The following LRRC71 variants were observed in gnomAD, a reference collection of about 807,000 sequenced individuals.
LRRC71 encodes leucine-rich repeat-containing protein 71.
LRRC71 carries 54 observed loss-of-function variants against 66.6 expected under a neutral mutation model. That is an observed-to-expected ratio of 0.81 (90% CI 0.65 to 1.02). The LOEUF is 1.02. Ranked by LOEUF, LRRC71 falls within the 50% of genes least tolerant of loss-of-function variation. LRRC71 has a pLI of 0.00. For missense variants in LRRC71, 724 were observed against 718.0 expected, an observed-to-expected ratio of 1.01 and a Z score of -0.10; for synonymous variants, 323 against 303.9, an observed-to-expected ratio of 1.06 and a Z score of -0.65.
chr1:156,940,310 G>C, the LRRC71 span: 9 of 1,613,776 alleles, frequency 5.6e-6, no homozygotes, highest in African/African-American at 1.2e-4. Context: ...CTCCATCCAG[G>C]GATGTGGAAG....
the LRRC71 span, chr1:156,938,625 A>G: frequency 5.4e-6 from 5 of 928,776 alleles, no homozygotes; most frequent in Admixed American, 2.1e-5. Flanking sequence ...GGGAGGAGAA[A>G]ATGGGAAGAA....
chr1:156,927,908 C>T lies in LRRC71; in HGVS notation c.907-7C>T, dbSNP rs769255957. The T allele has an allele frequency of 2.5e-6, 4 of 1,611,254 alleles. No individual in the cohort carries two copies. In the Admixed American group the frequency reaches 6.7e-5, roughly 27 times the overall value. On this transcript the variant is annotated splice_region_variant and splice_polypyrimidine_tract_variant and intron_variant, in intron 8 of 14. Coordinates refer to ENST00000337428, the MANE Select transcript of LRRC71 (RefSeq NM_144702.3). ...GCGTCCGACCGCTGAGCGCCCGCCT[C>T]CTTCAGGTCCTGCGCGCCTTCGAGC...
chr1:156,938,372 C>T, the LRRC71 span: 1 of 1,571,234 alleles, frequency 6.4e-7, no homozygotes, highest in Non-Finnish European at 8.7e-7. Flanking sequence ...ACAGGTTCCA[C>T]ACTCCAGTCT....
the LRRC71 span, among the ~76,000 whole-genome samples, chr1:156,940,949 C>G: frequency 1.3e-5 from 2 of 152,206 alleles, no homozygotes; most frequent in African/African-American, 2.4e-5. Flanking sequence ...ATGCTGTCCC[C>G]TCTACCAATC....
At chr1:156,929,220 G>A in intron 9 of LRRC71, 60 bp from the exon 10 acceptor site, 1 of 1,542,996 alleles carries the variant, frequency 6.5e-7, no homozygotes, top group Non-Finnish European at 8.8e-7. Flanking sequence ...TACCTTTCAT[G>A]CCCCCATTGA....
intron 12 of LRRC71, among the ~76,000 whole-genome samples, chr1:156,931,451 T>C (rs1654355183): frequency 6.6e-6 from 1 of 152,230 alleles, no homozygotes; most frequent in Non-Finnish European, 1.5e-5. Context: ...TACTGCAATT[T>C]CTTTTCATCA....
Position 156,927,270 on chromosome 1 carries a change from C to T in LRRC71, c.662C>T (p.Thr221Met). 1 of 1,613,552 alleles carries T rather than the reference C, an allele frequency of 6.2e-7. No individual in the cohort carries two copies. The highest frequency in any genetic ancestry group is 8.5e-7 in the Non-Finnish European group (1 of 1,179,596). ...CACAAGCTCATGGCCTTGGACAGCA[C>T]GTGAGACTCCCTGCCCTCACCCCCT... ...SYHKLMALDS[T>M]IAHLSLRNNN... is the part of the protein sequence containing the mutation. The change falls in exon 6 of 15, where the codon ACG becomes ATG. Residue 221 changes from threonine (T) to methionine (M), a missense_variant and splice_region_variant. By Grantham distance (81) the Thr-to-Met change is moderately conservative. Coordinates refer to ENST00000337428, the MANE Select transcript of LRRC71 (RefSeq NM_144702.3).
At chr1:156,928,042 C>T in intron 9 of LRRC71, 38 bp downstream of exon 9, 1 of 1,544,646 alleles carries the variant, frequency 6.5e-7, no homozygotes, top group Non-Finnish European at 8.8e-7. Flanking sequence ...GCCGAGAGCC[C>T]CTCTGACCCT....
intron 14 of LRRC71, 104 bp downstream of exon 14, chr1:156,932,649 G>C: frequency 6.2e-7 from 1 of 1,611,962 alleles, no homozygotes. Context: ...TTCCAAGGAA[G>C]GTCTGTAGTT....
intron 1 of LRRC71, among the ~76,000 whole-genome samples, chr1:156,921,316 G>C (rs1018755012): frequency 6.6e-6 from 1 of 152,152 alleles, no homozygotes; most frequent in South Asian, 2.1e-4. Flanking sequence ...GATATGTCAC[G>C]GAGGAGAACG....
At chr1:156,937,586 C>T (rs957318592), downstream of LRRC71, 6 of 1,372,460 alleles carry the variant, frequency 4.4e-6, no homozygotes, top group African/African-American at 7.4e-5. Context: ...AGCCACCTGA[C>T]AGAGCAGGCC....
chr1:156,924,243 G>A, intron 2 of LRRC71, 145 bp downstream of exon 2: 1 of 1,242,324 alleles, frequency 8.0e-7, no homozygotes, highest in Non-Finnish European at 1.1e-6. Flanking sequence ...TGGGGAGGTG[G>A]GGGAGTCTCC....
rs374595437 is a variant in LRRC71, at chr1:156,927,214, G to A, written c.606G>A (p.Leu202=). 25 of 1,613,016 alleles carry A rather than the reference G, an allele frequency of 1.5e-5. No individual in the cohort carries two copies. Among genetic ancestry groups the A allele is most frequent in the Non-Finnish European group, 2.0e-5 (24 of 1,179,586 alleles). The change falls in exon 6 of 15, where the codon CTG becomes CTA. Residue 202 remains leucine, a synonymous_variant. Coordinates refer to ENST00000337428, the MANE Select transcript of LRRC71 (RefSeq NM_144702.3). ...CCCCTGCCCTCAGGAAGGTGTCTCT[G>A]GAGGGGAACCCACTGCCGGAGCAGT... ...LCSSTLRKVS[L]EGNPLPEQSY...
chr1:156,935,773 G>A (rs912348592), downstream of LRRC71: 3 of 550,246 alleles, frequency 5.5e-6, no homozygotes, highest in Non-Finnish European at 9.7e-6. Context: ...GGAGACATGA[G>A]GCCTTGGAGG....
the LRRC71 span, chr1:156,938,816 C>G: frequency 2.5e-6 from 1 of 399,148 alleles, no homozygotes; most frequent in Non-Finnish European, 4.5e-6. Flanking sequence ...CAGGGGAGGG[C>G]AGGCCCACTA....
At chr1:156,922,371 C>T (rs1191390131) in intron 1 of LRRC71, among the ~76,000 whole-genome samples, 1 of 152,122 alleles carries the variant, frequency 6.6e-6, no homozygotes. Flanking sequence ...CTGGATAGGA[C>T]AACATGGAGG....
the LRRC71 span, chr1:156,939,776 G>A: frequency 6.2e-7 from 1 of 1,613,812 alleles, no homozygotes; most frequent in Admixed American, 1.7e-5. Flanking sequence ...GGGGAGCCTG[G>A]GTCCCAGGGG....
At position 156,924,470 on chromosome 1, in the gene LRRC71, C is replaced by A; in HGVS notation, c.357C>A (p.Ser119Arg). Residue 119 changes from serine to arginine, a missense_variant, in exon 3 of 15, where the codon AGC becomes AGA. By Grantham distance (110) the Ser-to-Arg change is moderately radical. Coordinates refer to ENST00000337428, the MANE Select transcript of LRRC71 (RefSeq NM_144702.3). ...CCTGCAGCCTCAATAGCCTGGAGAG[C>A]AAATACGTGTTCTTCCGGCCCACCA... ...SGSCSLNSLE[S>R]KYVFFRPTIQ... 6.4e-7 allele frequency: 1 copy of A among 1,551,310 alleles called. No homozygotes were observed. The highest frequency in any genetic ancestry group is 1.2e-5 in the South Asian group (1 of 84,064).
At chr1:156,927,852 C>CGGGCCGAGGGA (rs771222046) in intron 8 of LRRC71, 36 bp downstream of exon 8, 5 of 1,611,386 alleles carry the variant, frequency 3.1e-6, no homozygotes, top group Non-Finnish European at 2.5e-6. Flanking sequence ...GGGGCGTGGG[C>CGGGCCGAGGGA]GGGCCGAGGG....
Sources: allele counts gnomAD v4.1 joint callset (sites outside exome capture counted in the v4.1 genomes callset), GRCh38; gene constraint gnomAD v4.1.1; transcripts MANE v1.5; gene names NCBI Gene and HGNC (gene_info 2026-07-23, HGNC 2026-07-21).